FBXL7: variants seen among roughly 807,000 people sequenced by gnomAD.
FBXL7 encodes F-box/LRR-repeat protein 7.
A neutral mutation model predicts 38.3 loss-of-function variants in FBXL7; 12 were observed. The observed-to-expected ratio is 0.31, with a 90% CI of 0.20 to 0.51. The LOEUF is 0.51. FBXL7 is among the 20% of genes least tolerant of loss of function. The pLI is 0.98. For synonymous variants in FBXL7, 297 were observed against 300.9 expected (o/e 0.99, Z 0.13); for missense variants, 567 against 676.4 (o/e 0.84, Z 1.79).
intron 1 of FBXL7, among the ~76,000 whole-genome samples, chr5:15,572,827 C>T (rs1485977932): frequency 6.6e-6 from 1 of 152,198 alleles, no homozygotes; most frequent in Non-Finnish European, 1.5e-5. Flanking sequence ...CAAACTCTCC[C>T]ACTGCCCCAT....
chr5:15,658,390 C>T (rs758309341), intron 2 of FBXL7, among the ~76,000 whole-genome samples: 2 of 152,138 alleles, frequency 1.3e-5, no homozygotes, highest in Non-Finnish European at 2.9e-5. Flanking sequence ...CCCCACTTTT[C>T]GTGGGAGGGA....
intron 1 of FBXL7, among the ~76,000 whole-genome samples, chr5:15,610,393 T>G (rs768209265): frequency 6.6e-6 from 1 of 152,182 alleles, no homozygotes; most frequent in Non-Finnish European, 1.5e-5. Flanking sequence ...ATCTGGACTT[T>G]CCGTATGTAC....
intron 3 of FBXL7, among the ~76,000 whole-genome samples, chr5:15,929,359 C>A (rs1741978090): frequency 6.6e-6 from 1 of 152,212 alleles, no homozygotes; most frequent in Non-Finnish European, 1.5e-5. Flanking sequence ...GAGGCCCACG[C>A]CTGTAATCCC....
intron 2 of FBXL7, among the ~76,000 whole-genome samples, chr5:15,736,227 T>C (rs1219910066): frequency 1.3e-5 from 2 of 152,206 alleles, no homozygotes; most frequent in African/African-American, 2.4e-5. Flanking sequence ...AAATGTGATA[T>C]AGTGTAGCAA....
At chr5:15,685,148 T>G (rs1034128036) in intron 2 of FBXL7, among the ~76,000 whole-genome samples, 2 of 152,174 alleles carry the variant, frequency 1.3e-5, no homozygotes. Flanking sequence ...AGAATTGCCT[T>G]TTTCTTGAGC....
At chr5:15,566,840 T>G (rs1263136130) in intron 1 of FBXL7, among the ~76,000 whole-genome samples, 1 of 152,182 alleles carries the variant, frequency 6.6e-6, no homozygotes, top group Non-Finnish European at 1.5e-5. Flanking sequence ...GCCTTCCTGT[T>G]GGGGACTTGC....
intron 2 of FBXL7, among the ~76,000 whole-genome samples, chr5:15,617,249 C>T (rs1001107132): frequency 6.6e-6 from 1 of 152,090 alleles, no homozygotes; most frequent in African/African-American, 2.4e-5. Context: ...CTGTTTGATG[C>T]GTTTTCCCAA....
chr5:15,761,866 G>C (rs1181929336), intron 2 of FBXL7, among the ~76,000 whole-genome samples: 1 of 152,264 alleles, frequency 6.6e-6, no homozygotes, highest in Non-Finnish European at 1.5e-5. Flanking sequence ...TGTTTGAATT[G>C]CTTTTTTGAA....
At chr5:15,620,335 C>G (rs1224483064) in intron 2 of FBXL7, among the ~76,000 whole-genome samples, 2 of 149,688 alleles carry the variant, frequency 1.3e-5, no homozygotes, top group Admixed American at 1.3e-4. Flanking sequence ...CAGGTTCAAG[C>G]GATTCTCCTG....
At chr5:15,737,366 A>AC (rs1437007660) in intron 2 of FBXL7, among the ~76,000 whole-genome samples, 1 of 152,188 alleles carries the variant, frequency 6.6e-6, no homozygotes, top group Non-Finnish European at 1.5e-5. Flanking sequence ...ATTTTCATGA[A>AC]CAAGTGACTT....
intron 2 of FBXL7, among the ~76,000 whole-genome samples, chr5:15,871,089 C>T (rs887231122): frequency 2.0e-5 from 3 of 152,212 alleles, no homozygotes; most frequent in Admixed American, 2.0e-4. Flanking sequence ...AGGTGTCCCT[C>T]TGGGATGAAG....
Position 15,500,611 on chromosome 5 carries a change from G to C in FBXL7, c.-66G>C. On this transcript the variant is annotated 5_prime_UTR_variant, in exon 1 of 4. Transcript: ENST00000504595. ...CCGTCGGGCGGGCTTTCCTCGGGCCGAGCGCGCAGGACGTGCGCCGCAGCT... is the reference window on the plus strand; with the variant it reads ...CCGTCGGGCGGGCTTTCCTCGGGCCCAGCGCGCAGGACGTGCGCCGCAGCT... 2 of 1,609,076 alleles carry C rather than the reference G, an allele frequency of 1.2e-6. No individual in the cohort carries two copies. The highest frequency in any genetic ancestry group is 1.7e-4 in the Middle Eastern group (1 of 6,048).
At chr5:15,636,294 G>C (rs1391616350) in intron 2 of FBXL7, among the ~76,000 whole-genome samples, 1 of 152,026 alleles carries the variant, frequency 6.6e-6, no homozygotes, top group Non-Finnish European at 1.5e-5. Flanking sequence ...ATCTACAGCT[G>C]CATGTGCTGA....
intron 2 of FBXL7, among the ~76,000 whole-genome samples, chr5:15,676,656 T>C (rs1337432199): frequency 2.6e-5 from 4 of 152,224 alleles, no homozygotes; most frequent in African/African-American, 9.6e-5. Context: ...CATCTGTGTG[T>C]TGAGAGGGCA....
At chr5:15,668,567 T>G (rs1354004246) in intron 2 of FBXL7, among the ~76,000 whole-genome samples, 1 of 152,096 alleles carries the variant, frequency 6.6e-6, no homozygotes, top group African/African-American at 2.4e-5. Context: ...TTTTCCTTAT[T>G]CTCCTCATTT....
chr5:15,702,407 A>G (rs1002036408), intron 2 of FBXL7, among the ~76,000 whole-genome samples: 2 of 152,308 alleles, frequency 1.3e-5, no homozygotes, highest in East Asian at 3.9e-4. Flanking sequence ...GAAAGACAAC[A>G]AAGTTCTCAC....
chr5:15,724,159 T>C (rs1744277562), intron 2 of FBXL7, among the ~76,000 whole-genome samples: 1 of 152,334 alleles, frequency 6.6e-6, no homozygotes, highest in South Asian at 2.1e-4. Flanking sequence ...CTTTATGATA[T>C]TGATTTTGCT....
intron 2 of FBXL7, among the ~76,000 whole-genome samples, chr5:15,895,349 T>C (rs1478073463): frequency 6.6e-6 from 1 of 152,168 alleles, no homozygotes; most frequent in Admixed American, 6.5e-5. Flanking sequence ...TAAACTTTTT[T>C]TAATCTAGTT....
At chr5:15,635,451 T>C (rs200592565) in intron 2 of FBXL7, among the ~76,000 whole-genome samples, 16 of 152,310 alleles carry the variant, frequency 1.1e-4, no homozygotes, top group East Asian at 1.9e-4. Flanking sequence ...ATTTCTGCCA[T>C]GTTCTGTTAG....
Sources: allele counts gnomAD v4.1 joint callset (sites outside exome capture counted in the v4.1 genomes callset), GRCh38; gene constraint gnomAD v4.1.1; transcripts MANE v1.5; gene names NCBI Gene and HGNC (gene_info 2026-07-23, HGNC 2026-07-21).